The following BPNT2 variants were observed in gnomAD, a reference collection of about 807,000 sequenced individuals.
BPNT2 encodes Golgi-resident adenosine 3',5'-bisphosphate 3'-phosphatase.
A neutral mutation model predicts 29.3 loss-of-function variants in BPNT2; 11 were observed. That is an observed-to-expected ratio of 0.38 (90% CI 0.24 to 0.62). BPNT2 has a LOEUF of 0.62. Among genes scored for constraint, BPNT2 ranks in the 20% least tolerant of loss-of-function variants. BPNT2 has a pLI of 0.62. For synonymous variants in BPNT2, 195 were observed against 187.7 expected, an observed-to-expected ratio of 1.04 and a Z score of -0.32; for missense variants, 459 against 473.4, an observed-to-expected ratio of 0.97 and a Z score of 0.28.
At chr8:56,977,202 G>A (rs1341797254) in intron 3 of BPNT2, among the ~76,000 whole-genome samples, 1 of 152,072 alleles carries the variant, frequency 6.6e-6, no homozygotes, top group Non-Finnish European at 1.5e-5. Flanking sequence ...TACTCAATCT[G>A]TACCACAAAC....
At chr8:56,987,760 GCT>G (rs1304522549) in intron 1 of BPNT2, among the ~76,000 whole-genome samples, 2 of 137,338 alleles carry the variant, frequency 1.5e-5, no homozygotes, top group Non-Finnish European at 3.1e-5. Context: ...ATGGAGTCTT[GCT>G]CTGTCACCCA....
Position 56,992,871 on chromosome 8 carries a change from A to T in BPNT2, c.387+328T>A, listed in dbSNP as rs540058728. On this transcript the variant is annotated intron_variant, in intron 1 of 4. Transcript: ENST00000262644. Reference sequence around the variant, plus strand: ...AGGATAGAGAGTCTTGGTGGATTTTAGCCAACCCCTTAATTCTACAGAGGA... The same window carrying T: ...AGGATAGAGAGTCTTGGTGGATTTTTGCCAACCCCTTAATTCTACAGAGGA... 3.9e-5 allele frequency among the ~76,000 whole-genome samples: 6 copies of T among 152,210 alleles called. No homozygotes were observed. The East Asian group carries it at 1.2e-3, about 29-fold the overall frequency.
chr8:56,983,908 C>T (rs1182370894), intron 1 of BPNT2, among the ~76,000 whole-genome samples: 1 of 151,962 alleles, frequency 6.6e-6, no homozygotes, highest in Non-Finnish European at 1.5e-5. Flanking sequence ...ATATCAAGAC[C>T]AGAATAATTA....
At chr8:56,978,845 C>T (rs1243222792) in intron 2 of BPNT2, among the ~76,000 whole-genome samples, 1 of 152,070 alleles carries the variant, frequency 6.6e-6, no homozygotes, top group Non-Finnish European at 1.5e-5. Flanking sequence ...ATGATGAGAA[C>T]ACATGGACAC....
In BPNT2 at chr8:56,993,609, G is replaced by C. The variant is rs1393959367; in HGVS notation, c.-24C>G. 1.9e-5 allele frequency: 27 copies of C among 1,399,242 alleles called. No homozygotes were observed. The highest frequency in any genetic ancestry group is 2.4e-5 in the Non-Finnish European group (26 of 1,071,004). The allele number at this position is 1,399,242 out of a possible 1,614,324, so 86.7% of individuals were successfully genotyped here. On this transcript the variant is annotated 5_prime_UTR_variant, in exon 1 of 5. Transcript: ENST00000262644. Reference sequence around the variant, plus strand: ...ATGGCGTGGGAAGCCGGGCGCTCCGGGCTGCGGCTCTCACAGGCCTCCAGC... The same window carrying C: ...ATGGCGTGGGAAGCCGGGCGCTCCGCGCTGCGGCTCTCACAGGCCTCCAGC...
At chr8:56,989,108 C>G (rs924204588) in intron 1 of BPNT2, among the ~76,000 whole-genome samples, 2 of 151,968 alleles carry the variant, frequency 1.3e-5, no homozygotes, top group Non-Finnish European at 2.9e-5. Context: ...TCTGCTATAC[C>G]GCCTTATATA....
Position 56,960,903 on chromosome 8 carries a change from T to TA in BPNT2, c.*2889dup, listed in dbSNP as rs1403160245. The TA allele has an allele frequency of 6.6e-6, 1 of 152,206 alleles. No homozygotes were observed. The highest frequency in any genetic ancestry group is 1.5e-5 in the Non-Finnish European group (1 of 68,042). 9.4% of individuals were successfully genotyped at this position (152,206 alleles called of 1,614,324 possible). On this transcript the variant is annotated 3_prime_UTR_variant, in exon 5 of 5. Coordinates refer to ENST00000262644, the MANE Select transcript of BPNT2 (RefSeq NM_017813.5). ...GATTGATCTCTGATACTAGGAACTT[T>TA]ACCAGAGCTTCAGATTTCAGCAGCC...
At chr8:56,979,183 A>AT (rs1806198608) in intron 2 of BPNT2, among the ~76,000 whole-genome samples, 1 of 152,190 alleles carries the variant, frequency 6.6e-6, no homozygotes, top group African/African-American at 2.4e-5. Flanking sequence ...CCTTGAGTAA[A>AT]TTACTTAAAT....
At position 56,959,897 on chromosome 8, in the gene BPNT2, T is replaced by C. The variant is rs1009062137; in HGVS notation, c.*3896A>G. 5.3e-5 allele frequency: 8 copies of C among 152,220 alleles called. No individual in the cohort carries two copies. Among genetic ancestry groups the C allele is most frequent in the African/African-American group, 1.9e-4 (8 of 41,466 alleles). 9.4% of individuals were successfully genotyped at this position (152,220 alleles called of 1,614,324 possible). On this transcript the variant is annotated 3_prime_UTR_variant, in exon 5 of 5. Coordinates refer to ENST00000262644, the MANE Select transcript of BPNT2 (RefSeq NM_017813.5). ...GTTGTTTTCCCTTATTAACATACAATGCCCTATTGTTAAGGCACAACTTTT... is the reference window on the plus strand; with the variant it reads ...GTTGTTTTCCCTTATTAACATACAACGCCCTATTGTTAAGGCACAACTTTT...
At chr8:56,980,568 C>T (rs1806221883) in intron 1 of BPNT2, among the ~76,000 whole-genome samples, 1 of 150,300 alleles carries the variant, frequency 6.7e-6, no homozygotes, top group African/African-American at 2.4e-5. Context: ...GAACACAACA[C>T]AAGCAACTAG....
At chr8:56,980,819 T>TACACAC (rs71258552) in intron 1 of BPNT2, among the ~76,000 whole-genome samples, 5,696 of 141,444 alleles carry the variant, frequency 0.04, 296 homozygotes, top group African/African-American at 0.12. Context: ...TACATACATA[T>TACACAC]ACACACACAC....
At chr8:56,981,180 C>T (rs1212863412) in intron 1 of BPNT2, among the ~76,000 whole-genome samples, 1 of 152,098 alleles carries the variant, frequency 6.6e-6, no homozygotes. Flanking sequence ...GTCAAGTGCG[C>T]CCCTGTCCCA....
rs1266682890 is a variant in BPNT2, at chr8:56,966,195, A to G, written c.804T>C (p.Gly268=). Reference sequence around the variant, plus strand: ...CACACAGGAAGAGGAACATACCAGCACCACCAGCTGGGATAATTGTAGTCT... The same window carrying G: ...CACACAGGAAGAGGAACATACCAGCGCCACCAGCTGGGATAATTGTAGTCT... ...GNQTTIIPAG[G]AGYKVLALLD... is the part of the protein sequence containing the mutation. The change falls in exon 4 of 5, where the codon GGT becomes GGC. Residue 268 remains glycine, a synonymous_variant. Coordinates refer to ENST00000262644, the MANE Select transcript of BPNT2 (RefSeq NM_017813.5). 1 of 1,614,068 alleles carries G rather than the reference A, an allele frequency of 6.2e-7. No individual in the cohort carries two copies. The highest frequency in any genetic ancestry group is 8.5e-7 in the Non-Finnish European group (1 of 1,179,952).
chr8:56,973,956 C>T (rs1281001222), intron 3 of BPNT2, among the ~76,000 whole-genome samples: 1 of 152,120 alleles, frequency 6.6e-6, no homozygotes, highest in East Asian at 1.9e-4. Context: ...GCCTCTCCTT[C>T]CACCTCCTCC....
intron 4 of BPNT2, among the ~76,000 whole-genome samples, chr8:56,964,768 T>C (rs1013563377): frequency 6.6e-6 from 1 of 152,230 alleles, no homozygotes; most frequent in African/African-American, 2.4e-5. Context: ...AACATCTAAG[T>C]AGGCCCGATG....
Position 56,959,941 on chromosome 8 carries a change from C to T in BPNT2, c.*3852G>A, listed in dbSNP as rs1003042322. On this transcript the variant is annotated 3_prime_UTR_variant, in exon 5 of 5. Coordinates refer to ENST00000262644, the MANE Select transcript of BPNT2 (RefSeq NM_017813.5). ...AACTTTTTTTAGATTAAAAATGAAA[C>T]CATAGATTAGGTTTATTTTATACAA... 1.3e-5 allele frequency: 2 copies of T among 152,062 alleles called. No homozygotes were observed. The highest frequency in any genetic ancestry group is 2.9e-5 in the Non-Finnish European group (2 of 68,012). 9.4% of individuals were successfully genotyped at this position (152,062 alleles called of 1,614,324 possible).
At chr8:56,978,467 C>T (rs1053681745) in intron 2 of BPNT2, among the ~76,000 whole-genome samples, 2 of 152,072 alleles carry the variant, frequency 1.3e-5, no homozygotes, top group Non-Finnish European at 2.9e-5. Context: ...TTAGTTAAGC[C>T]ACTGTGGTAG....
chr8:56,978,108 C>T lies in BPNT2; in HGVS notation c.588G>A (p.Val196=). The change falls in exon 3 of 5, where the codon GTG becomes GTA. Residue 196 remains valine, a synonymous_variant. Transcript: ENST00000262644. ...LRKYVTTMVC[V]AVNGKPMLGV... is the part of the protein sequence containing the mutation. ...CTAGCATGGGTTTACCATTTACAGCCACACACACCATAGTAGTGACGTACT... is the reference window on the plus strand; with the variant it reads ...CTAGCATGGGTTTACCATTTACAGCTACACACACCATAGTAGTGACGTACT... The T allele has an allele frequency of 6.2e-7, 1 of 1,611,898 alleles. No individual in the cohort carries two copies.
chr8:56,981,008 AT>A (rs1485368972), intron 1 of BPNT2, among the ~76,000 whole-genome samples: 1 of 151,834 alleles, frequency 6.6e-6, no homozygotes, highest in Non-Finnish European at 1.5e-5. Context: ...AGATTGCTCA[AT>A]TTGGCACGAC....
Sources: gnomAD v4.1 joint callset for allele counts (sites outside exome capture counted in the v4.1 genomes callset) on GRCh38, gnomAD v4.1.1 for gene constraint, MANE v1.5 for transcripts, NCBI Gene and HGNC (gene_info 2026-07-23, HGNC 2026-07-21) for gene names.